Variants in AOAH observed in about 807,000 individuals in gnomAD.
AOAH encodes acyloxyacyl hydrolase (neutrophil).
A neutral mutation model predicts 92.2 loss-of-function variants in AOAH; 64 were observed. That is an observed-to-expected ratio of 0.69 (90% confidence interval 0.57 to 0.86). The LOEUF is 0.86. Ranked by LOEUF, AOAH falls within the 40% of genes least tolerant of loss-of-function variation. The pLI, the probability that AOAH is intolerant of heterozygous loss-of-function variation, is 0.00. For missense variants in AOAH, 656 were observed against 694.6 expected (o/e 0.94, Z 0.62); for synonymous variants, 263 against 254.5 (o/e 1.03, Z -0.32).
chr7:36,659,224 A>G lies in AOAH; in HGVS notation c.332T>C (p.Leu111Pro), dbSNP rs762062924. ...DMNADVVCHT[L>P]EFCKQNTGQP... ...GCCAGTGTTCTGTTTACAAAACTCC[A>G]GAGTGTGACATACCACATCAGCATT... Residue 111 changes from leucine (L) to proline (P), a missense_variant, in exon 4 of 21, where the codon CTG becomes CCG. Leu to Pro is a moderately conservative substitution (Grantham distance 98, BLOSUM62 -3). Coordinates refer to ENST00000617537, the MANE Select transcript of AOAH (RefSeq NM_001637.4). The G allele has an allele frequency of 5.0e-6, 8 of 1,613,968 alleles. No individual in the cohort carries two copies. Among genetic ancestry groups the G allele is most frequent in the East Asian group, 2.2e-5 (1 of 44,822 alleles).
At chr7:36,585,911 T>G (rs972567339) in intron 12 of AOAH, among the ~76,000 whole-genome samples, 4 of 152,176 alleles carry the variant, frequency 2.6e-5, no homozygotes, top group African/African-American at 9.7e-5. Flanking sequence ...GAAAATATAT[T>G]CATATTTTGA....
At chr7:36,641,339 C>A (rs1250213861) in intron 4 of AOAH, among the ~76,000 whole-genome samples, 1 of 152,174 alleles carries the variant, frequency 6.6e-6, no homozygotes, top group African/African-American at 2.4e-5. Flanking sequence ...CTCCTCAGCC[C>A]CCTTTGGATA....
intron 1 of AOAH, among the ~76,000 whole-genome samples, chr7:36,697,167 A>G (rs1421248372): frequency 6.6e-6 from 1 of 152,186 alleles, no homozygotes; most frequent in East Asian, 1.9e-4. Context: ...ACAAAAAGTC[A>G]CAAGTAGGGT....
chr7:36,562,873 A>G (rs933310784), intron 13 of AOAH, among the ~76,000 whole-genome samples: 67 of 152,014 alleles, frequency 4.4e-4, no homozygotes, highest in African/African-American at 1.4e-3. Flanking sequence ...GGCAGGCCAG[A>G]CGCGGTGGCT....
intron 4 of AOAH, among the ~76,000 whole-genome samples, chr7:36,645,345 T>A (rs1794159373): frequency 6.6e-6 from 1 of 152,178 alleles, no homozygotes; most frequent in Admixed American, 6.5e-5. Flanking sequence ...CTGACCCTGT[T>A]GGCACCGTGA....
chr7:36,638,152 C>T (rs1398337365), intron 4 of AOAH, among the ~76,000 whole-genome samples: 1 of 152,198 alleles, frequency 6.6e-6, no homozygotes, highest in Non-Finnish European at 1.5e-5. Flanking sequence ...ACTCTTCAAA[C>T]AGCCCTGTGA....
chr7:36,557,772 T>C (rs201013041), intron 13 of AOAH, among the ~76,000 whole-genome samples: 7 of 152,046 alleles, frequency 4.6e-5, no homozygotes, highest in African/African-American at 7.2e-5. Flanking sequence ...TCCAGTTGAT[T>C]GCATCGGCTC....
At chr7:36,654,349 C>T (rs1211804192) in intron 4 of AOAH, among the ~76,000 whole-genome samples, 2 of 152,088 alleles carry the variant, frequency 1.3e-5, no homozygotes, top group Non-Finnish European at 2.9e-5. Flanking sequence ...AGTGGGACAT[C>T]GTAGATTTTT....
chr7:36,671,651 G>T (rs1471998525), intron 3 of AOAH, among the ~76,000 whole-genome samples: 2 of 150,294 alleles, frequency 1.3e-5, no homozygotes, highest in Non-Finnish European at 3.0e-5. Flanking sequence ...GCACGTGTTT[G>T]TGTGTGTGTG....
chr7:36,616,300 G>A (rs1791875093), intron 11 of AOAH, 80 bp downstream of exon 11: 1 of 1,123,790 alleles, frequency 8.9e-7, no homozygotes, highest in Non-Finnish European at 1.3e-6. Context: ...GTGTGGAGTT[G>A]GCATCCCATT....
intron 20 of AOAH, among the ~76,000 whole-genome samples, chr7:36,517,125 C>T (rs188358834): frequency 1.1e-4 from 17 of 151,652 alleles, no homozygotes; most frequent in African/African-American, 4.1e-4. Flanking sequence ...GGGCAGGGCA[C>T]AGCTACCCTT....
At chr7:36,586,519 G>T (rs1449244723) in intron 12 of AOAH, among the ~76,000 whole-genome samples, 1 of 152,136 alleles carries the variant, frequency 6.6e-6, no homozygotes, top group Non-Finnish European at 1.5e-5. Flanking sequence ...TTTCAGGGTT[G>T]TTCCTTTTCA....
intron 2 of AOAH, among the ~76,000 whole-genome samples, chr7:36,684,293 G>A (rs958221084): frequency 4.6e-4 from 70 of 152,204 alleles, no homozygotes; most frequent in Non-Finnish European, 5.3e-4. Context: ...GATAATAATT[G>A]CACTTGACTG....
At chr7:36,540,608 G>C (rs533604412) in intron 15 of AOAH, 117 bp from the exon 16 acceptor site, 1 of 938,118 alleles carries the variant, frequency 1.1e-6, no homozygotes. Flanking sequence ...ACACAGTGTG[G>C]TGGTCATTGG....
chr7:36,561,008 A>T (rs960819892), intron 13 of AOAH, among the ~76,000 whole-genome samples: 11 of 150,040 alleles, frequency 7.3e-5, no homozygotes, highest in Admixed American at 1.3e-4. Context: ...AATAGTATCT[A>T]TGGGGGTAGA....
intron 13 of AOAH, among the ~76,000 whole-genome samples, chr7:36,560,574 A>G (rs1359873965): frequency 2.0e-5 from 3 of 152,078 alleles, no homozygotes; most frequent in Non-Finnish European, 2.9e-5. Flanking sequence ...ATTTTTGTAC[A>G]TTGATTTTGT....
At chr7:36,690,895 G>A (rs1797355887) in intron 1 of AOAH, among the ~76,000 whole-genome samples, 1 of 152,186 alleles carries the variant, frequency 6.6e-6, no homozygotes, top group South Asian at 2.1e-4. Flanking sequence ...ACTGGGCCAA[G>A]GAATCCTTTT....
chr7:36,712,773 GC>G (rs1176176164), intron 1 of AOAH, among the ~76,000 whole-genome samples: 1 of 152,116 alleles, frequency 6.6e-6, no homozygotes, highest in Non-Finnish European at 1.5e-5. Flanking sequence ...GTACAGATAA[GC>G]AAATGCTGAC....
rs764646570 is a variant in AOAH at position 36,534,972 on chromosome 7, CTGTG to C, written c.1307-2632_1307-2629del. On this transcript the variant is annotated intron_variant, in intron 16 of 20. Transcript: ENST00000617537. ...TGTGTGTGTATCTGTGTCTGTGTCT[CTGTG>C]TGTGTGTTTGTGTGTGTCTGCTTGT... Among the ~76,000 whole-genome samples the C allele has an allele frequency of 4.9e-4, 67 of 136,620 alleles. 1 individual carries two copies. Among genetic ancestry groups the C allele is most frequent in the Admixed American group, 3.5e-3 (47 of 13,614 alleles). 89.6% of individuals were successfully genotyped at this position (136,620 alleles called of 152,430 possible). A position where few individuals can be genotyped will look rare whatever the true frequency, so the allele number is the denominator to read the frequency against.
Sources: allele counts gnomAD v4.1 joint callset (sites outside exome capture counted in the v4.1 genomes callset), GRCh38; gene constraint gnomAD v4.1.1; transcripts MANE v1.5; gene names NCBI Gene and HGNC (gene_info 2026-07-23, HGNC 2026-07-21).